The following AGAP9 variants were observed in gnomAD, a reference collection of about 807,000 sequenced individuals.
AGAP9 encodes ArfGAP with GTPase domain, ankyrin repeat and PH domain 9.
In AGAP9, 23 loss-of-function variants were observed where a neutral mutation model predicts 55.6. That is an observed-to-expected ratio of 0.41 (90% CI 0.30 to 0.59). The LOEUF (loss-of-function observed/expected upper bound fraction) is 0.59. AGAP9 is among the 20% of genes least tolerant of loss of function. The probability of loss-of-function intolerance (pLI) is 0.25; values close to 1 mark genes in which losing one functional copy is unlikely to be tolerated. For missense variants in AGAP9, 309 were observed against 808.1 expected, an observed-to-expected ratio of 0.38 and a Z score of 7.49; for synonymous variants, 120 against 305.0, an observed-to-expected ratio of 0.39 and a Z score of 6.32.
chr10:47,502,225 C>T lies in AGAP9; in HGVS notation c.1904G>A (p.Gly635Glu). The change falls in exon 8 of 8, where the codon GGG becomes GAG. Residue 635 changes from glycine (G) to glutamate (E), a missense_variant. By Grantham distance (98) the Gly-to-Glu change is moderately conservative. Transcript: ENST00000452145. ...CAGGAGCTGCTCCAGGACCACATTC[C>T]CCTTGCGGCAGGCCAGATGGAGTGC... ...CTALHLACRKGNVVLEQLLTG... is the reference protein window; with the variant it reads ...CTALHLACRKENVVLEQLLTG... The T allele has an allele frequency of 1.3e-6, 2 of 1,574,144 alleles. No homozygotes were observed. The highest frequency in any genetic ancestry group is 1.7e-6 in the Non-Finnish European group (2 of 1,164,648).
In AGAP9 at chr10:47,502,298, A is replaced by C. The variant is rs1423204424; in HGVS notation, c.1831T>G (p.Ser611Ala). Residue 611 changes from serine (S) to alanine (A), a missense_variant, in exon 8 of 8, where the codon TCC becomes GCC. By Grantham distance (99) the Ser-to-Ala change is moderately conservative. Coordinates refer to ENST00000452145, the MANE Select transcript of AGAP9 (RefSeq NM_001190810.1). Reference sequence around the variant, plus strand: ...CAGGTCTCGTTCACCTCCTCACGGGAGCCATGTGCCAGCAGCAGGATGGCT... The same window carrying C: ...CAGGTCTCGTTCACCTCCTCACGGGCGCCATGTGCCAGCAGCAGGATGGCT... ...QTAILLLAHGSREEVNETCGE... is the reference protein window; with the variant it reads ...QTAILLLAHGAREEVNETCGE... 22,538 of 1,600,932 alleles carry C rather than the reference A, an allele frequency of 0.014. 891 individuals are homozygous for C. Among genetic ancestry groups the C allele is most frequent in the South Asian group, 0.026 (2,352 of 90,652 alleles).
rs1263809162 is a variant in AGAP9 at position 47,502,086 on chromosome 10, C to T, written c.*66G>A. Reference sequence around the variant, plus strand: ...AAATAAAACAGATACTACACGCACTCGTCGGGGCAGCCGTACTGCAGAAGC... The same window carrying T: ...AAATAAAACAGATACTACACGCACTTGTCGGGGCAGCCGTACTGCAGAAGC... On this transcript the variant is annotated 3_prime_UTR_variant, in exon 8 of 8. Transcript: ENST00000452145. 2.0e-5 allele frequency: 31 copies of T among 1,569,098 alleles called. 2 individuals are homozygous for T. The highest frequency in any genetic ancestry group is 2.3e-4 in the Middle Eastern group (1 of 4,310).
In AGAP9 at chr10:47,519,360, C is replaced by T. The variant is rs1251422017; in HGVS notation, c.361+1139G>A. 1.1e-3 allele frequency among the ~76,000 whole-genome samples: 128 copies of T among 112,652 alleles called. 9 individuals carry two copies. The highest frequency in any genetic ancestry group is 1.8e-3 in the Non-Finnish European group (100 of 56,934). The allele number at this position is 112,652 out of a possible 152,430, so 73.9% of individuals were successfully genotyped here. A position where few individuals can be genotyped will look rare whatever the true frequency, so the allele number is the denominator to read the frequency against. ...GTGCCCACCTATAGTCCCAACTACT[C>T]GGGAGGCTGAGGCAGGAGAATTGCT... On this transcript the variant is annotated intron_variant, in intron 3 of 7. Transcript: ENST00000452145.
At position 47,513,769 on chromosome 10, in the gene AGAP9, T is replaced by G. The variant is rs1282752269; in HGVS notation, c.397-3498A>C. On this transcript the variant is annotated intron_variant, in intron 4 of 7. Coordinates refer to ENST00000452145, the MANE Select transcript of AGAP9 (RefSeq NM_001190810.1). ...CCAACTGATTTTCAACAAAGCCACC[T>G]AAAACATAAAGTGAAGAAAGTAAAC... Among the ~76,000 whole-genome samples, 100 of 137,882 alleles carry G rather than the reference T, an allele frequency of 7.3e-4. 26 individuals carry two copies. In the East Asian group the frequency reaches 0.027, roughly 38 times the overall value. 90.5% of individuals were successfully genotyped at this position (137,882 alleles called of 152,430 possible). A position where few individuals can be genotyped will look rare whatever the true frequency, so the allele number is the denominator to read the frequency against.
At chr10:47,506,467 A>G (rs1840480694) in intron 6 of AGAP9, among the ~76,000 whole-genome samples, 1 of 137,756 alleles carries the variant, frequency 7.3e-6, no homozygotes, top group Non-Finnish European at 1.5e-5. Flanking sequence ...AGTAACTGGG[A>G]CTACAGGCAT....
intron 2 of AGAP9, among the ~76,000 whole-genome samples, chr10:47,520,876 T>G (rs1840812917): frequency 7.6e-6 from 1 of 130,968 alleles, no homozygotes; most frequent in South Asian, 2.3e-4. Context: ...AAGAGGTAAA[T>G]TTTGGCTTTG....
chr10:47,502,768 C>G lies in AGAP9; in HGVS notation c.1361G>C (p.Ser454Thr). 1 of 1,577,410 alleles carries G rather than the reference C, an allele frequency of 6.3e-7. No individual in the cohort carries two copies. The highest frequency in any genetic ancestry group is 1.1e-5 in the South Asian group (1 of 89,830). ...ACTCTGGCTGGTCAGCTGGGACTTG[C>G]TTTTACTGCTCTTGCATGACTGCAG... is the stretch of plus-strand genomic sequence containing the variant. ...ASLQSCKSSK[S>T]KSQLTSQSEA... Residue 454 changes from serine to threonine, a missense_variant, in exon 8 of 8, where the codon AGC (serine) becomes ACC (threonine). Ser to Thr is a moderately conservative substitution (Grantham distance 58). Transcript: ENST00000452145.
intron 6 of AGAP9, among the ~76,000 whole-genome samples, chr10:47,506,414 TCCAC>T: frequency 7.2e-6 from 1 of 139,310 alleles, no homozygotes; most frequent in Non-Finnish European, 1.5e-5. Flanking sequence ...CACTGCAACC[TCCAC>T]CTCCCAGGCT....
Position 47,510,009 on chromosome 10 carries a change from C to T in AGAP9, c.497+162G>A, listed in dbSNP as rs1341732142. ...TAACTGATTTTTCCTTCCACCACGA[C>T]GTCTAAGATTAAAAGAGAAACTGAT... is the stretch of plus-strand genomic sequence containing the variant. On this transcript the variant is annotated intron_variant, in intron 5 of 7. Coordinates refer to ENST00000452145, the MANE Select transcript of AGAP9 (RefSeq NM_001190810.1). Among the ~76,000 whole-genome samples the T allele has an allele frequency of 1.4e-4, 20 of 142,020 alleles. 2 individuals are homozygous for T. Among genetic ancestry groups the T allele is most frequent in the Non-Finnish European group, 4.6e-5 (3 of 65,488 alleles). 93.2% of individuals were successfully genotyped at this position (142,020 alleles called of 152,430 possible). A position where few individuals can be genotyped will look rare whatever the true frequency, so the allele number is the denominator to read the frequency against.
chr10:47,504,846 C>CTTT (rs59529030), intron 6 of AGAP9, among the ~76,000 whole-genome samples: 19 of 46,840 alleles, frequency 4.1e-4, no homozygotes, highest in African/African-American at 1.0e-3. Context: ...CATAACTGTT[C>CTTT]TTTTTTTTTT....
At position 47,519,516 on chromosome 10, in the gene AGAP9, C is replaced by T. The variant is rs1474977964; in HGVS notation, c.361+983G>A. Reference sequence around the variant, plus strand: ...TGGTACCTTCCCCCTTCCCCTCTCTCTTTCACCGTGTGGAACCACCTGCTT... The same window carrying T: ...TGGTACCTTCCCCCTTCCCCTCTCTTTTTCACCGTGTGGAACCACCTGCTT... On this transcript the variant is annotated intron_variant, in intron 3 of 7. Coordinates refer to ENST00000452145, the MANE Select transcript of AGAP9 (RefSeq NM_001190810.1). 5.4e-5 allele frequency among the ~76,000 whole-genome samples: 6 copies of T among 111,296 alleles called. 2 individuals are homozygous for T. The highest frequency in any genetic ancestry group is 2.1e-4 in the African/African-American group (6 of 28,384). The allele number at this position is 111,296 out of a possible 152,430, so 73.0% of individuals were successfully genotyped here. A position where few individuals can be genotyped will look rare whatever the true frequency, so the allele number is the denominator to read the frequency against.
In AGAP9 at chr10:47,502,957, G is replaced by T. The variant is rs1181170818; in HGVS notation, c.1172C>A (p.Pro391Gln). 1 of 1,589,848 alleles carries T rather than the reference G, an allele frequency of 6.3e-7. No individual in the cohort carries two copies. Among genetic ancestry groups the T allele is most frequent in the South Asian group, 1.1e-5 (1 of 90,266 alleles). The change falls in exon 8 of 8, where the codon CCG becomes CAG. Residue 391 changes from proline to glutamine, a missense_variant. By Grantham distance (76) the Pro-to-Gln change is moderately conservative (BLOSUM62 -1). Coordinates refer to ENST00000452145, the MANE Select transcript of AGAP9 (RefSeq NM_001190810.1). ...ISSTTSPKLN[P>Q]PPSPHANKKK... is the part of the protein sequence containing the mutation. ...TTTATTGGCATGAGGAGAGGGGGGCGGGTTGAGCTTGGGGCTGGTGGTGCT... is the reference window on the plus strand; with the variant it reads ...TTTATTGGCATGAGGAGAGGGGGGCTGGTTGAGCTTGGGGCTGGTGGTGCT...
rs1180776103 is a variant in AGAP9, at chr10:47,507,709, C to G, written c.498-126G>C. 12 of 714,518 alleles carry G rather than the reference C, an allele frequency of 1.7e-5. 1 individual carries two copies. Among genetic ancestry groups the G allele is most frequent in the African/African-American group, 8.2e-5 (4 of 48,712 alleles). The allele number at this position is 714,518 out of a possible 1,614,324, so 44.3% of individuals were successfully genotyped here. A position where few individuals can be genotyped will look rare whatever the true frequency, so the allele number is the denominator to read the frequency against. On this transcript the variant is annotated intron_variant, in intron 5 of 7. Coordinates refer to ENST00000452145, the MANE Select transcript of AGAP9 (RefSeq NM_001190810.1). ...GAAATTCAAATCTTCTAGTTCAGAA[C>G]AGTACCATAAGGGCACTTTGTTTTC...
rs1840605774 is a variant in AGAP9 at position 47,510,938 on chromosome 10, T to TAA, written c.397-668_397-667insTT. The stretch of plus-strand genomic sequence containing the variant: ...TCTATTAATTAATTAATTAATTAAT[T>TAA]TATTTATTTATTTATTTATTTTTGA... On this transcript the variant is annotated intron_variant, in intron 4 of 7. Coordinates refer to ENST00000452145, the MANE Select transcript of AGAP9 (RefSeq NM_001190810.1). Among the ~76,000 whole-genome samples, 973 of 123,274 alleles carry TAA rather than the reference T, an allele frequency of 7.9e-3. 14 individuals are homozygous for TAA. Among genetic ancestry groups the TAA allele is most frequent in the Admixed American group, 0.011 (131 of 12,342 alleles). 80.9% of individuals were successfully genotyped at this position (123,274 alleles called of 152,430 possible). A position where few individuals can be genotyped will look rare whatever the true frequency, so the allele number is the denominator to read the frequency against.
chr10:47,521,062 CTT>C (rs1459745231), intron 2 of AGAP9, among the ~76,000 whole-genome samples: 1 of 115,872 alleles, frequency 8.6e-6, no homozygotes, highest in Non-Finnish European at 1.7e-5. Context: ...CCTTAGTTCT[CTT>C]GAGTAGCTGT....
intron 5 of AGAP9, 133 bp downstream of exon 5, chr10:47,510,038 T>C: frequency 2.0e-6 from 3 of 1,481,424 alleles, no homozygotes; most frequent in Non-Finnish European, 2.7e-6. Context: ...AACTGATACT[T>C]AATATTCAGA....
chr10:47,521,893 G>T (rs1471503518), intron 2 of AGAP9, among the ~76,000 whole-genome samples: 2 of 149,532 alleles, frequency 1.3e-5, no homozygotes, highest in African/African-American at 2.5e-5. Flanking sequence ...CAATTCTCCC[G>T]CCTCAGCCTT....
chr10:47,514,287 A>C (rs1318170314), intron 4 of AGAP9, among the ~76,000 whole-genome samples: 4 of 150,436 alleles, frequency 2.7e-5, no homozygotes, highest in Non-Finnish European at 5.9e-5. Flanking sequence ...CACCTCAGCC[A>C]TAATAAGGAA....
chr10:47,510,486 C>T (rs1472178206), intron 4 of AGAP9, among the ~76,000 whole-genome samples: 1 of 133,712 alleles, frequency 7.5e-6, no homozygotes, highest in Non-Finnish European at 1.6e-5. Flanking sequence ...AATATGGTAC[C>T]TGTCATCAAA....
Sources: allele counts gnomAD v4.1 joint callset (sites outside exome capture counted in the v4.1 genomes callset), GRCh38; gene constraint gnomAD v4.1.1; transcripts MANE v1.5; gene names NCBI Gene and HGNC (gene_info 2026-07-23, HGNC 2026-07-21).